Variants in PDE4D observed in about 807,000 individuals in gnomAD.
The protein encoded by PDE4D is phosphodiesterase 4D.
In PDE4D, 24 loss-of-function variants were observed where a neutral mutation model predicts 87.4. The ratio of observed to expected loss-of-function variants is 0.27; its 90% CI spans 0.20 to 0.39. The LOEUF is 0.39. PDE4D is among the 10% of genes least tolerant of loss of function. The pLI, the probability that PDE4D is intolerant of heterozygous loss-of-function variation, is 1.00. For missense variants in PDE4D, 714 were observed against 1,041.0 expected (o/e 0.69, Z 4.32); for synonymous variants, 384 against 383.2 (o/e 1.00, Z -0.02).
chr5:60,227,598 AGAGG>A (rs1011487729), intron 1 of PDE4D, among the ~76,000 whole-genome samples: 6 of 97,010 alleles, frequency 6.2e-5, no homozygotes, highest in South Asian at 4.1e-4. Flanking sequence ...GAAGGGGGAG[AGAGG>A]GAGGGAGGGA....
intron 1 of PDE4D, among the ~76,000 whole-genome samples, chr5:59,406,257 T>C (rs1166029037): frequency 6.6e-6 from 1 of 152,148 alleles, no homozygotes; most frequent in African/African-American, 2.4e-5. Context: ...CTTGGTAGGT[T>C]GTATTTGTCT....
At chr5:59,456,567 C>T (rs566860339) in intron 1 of PDE4D, among the ~76,000 whole-genome samples, 9 of 152,284 alleles carry the variant, frequency 5.9e-5, no homozygotes, top group African/African-American at 1.7e-4. Flanking sequence ...ACACAACATT[C>T]TTTCTGCAGC....
At chr5:60,034,606 G>T (rs938512354) in intron 2 of PDE4D, among the ~76,000 whole-genome samples, 9 of 152,108 alleles carry the variant, frequency 5.9e-5, no homozygotes, top group African/African-American at 2.2e-4. Context: ...CATCTGCAAA[G>T]TTCCTTTTGA....
chr5:59,879,776 T>C (rs1038187633), intron 1 of PDE4D, among the ~76,000 whole-genome samples: 3 of 152,236 alleles, frequency 2.0e-5, no homozygotes, highest in Non-Finnish European at 4.4e-5. Flanking sequence ...AGTCTCGCTC[T>C]GTCACCCAGG....
chr5:59,957,599 A>G (rs1758983865), intron 3 of PDE4D, among the ~76,000 whole-genome samples: 1 of 152,034 alleles, frequency 6.6e-6, no homozygotes, highest in Non-Finnish European at 1.5e-5. Flanking sequence ...TTTTACACAT[A>G]TTTTTCATAA....
At chr5:60,314,170 A>ATTT (rs199984345) in intron 1 of PDE4D, among the ~76,000 whole-genome samples, 1 of 145,734 alleles carries the variant, frequency 6.9e-6, no homozygotes, top group Admixed American at 6.8e-5. Context: ...AGACAGTATG[A>ATTT]TTTTTTTTTT....
intron 1 of PDE4D, among the ~76,000 whole-genome samples, chr5:59,746,809 C>T (rs1261335426): frequency 6.6e-6 from 1 of 151,934 alleles, no homozygotes; most frequent in Non-Finnish European, 1.5e-5. Context: ...GGCTATTTTT[C>T]CTTCCACATG....
At chr5:59,094,216 CAAAAA>C (rs1164383460) in intron 5 of PDE4D, among the ~76,000 whole-genome samples, 27 of 14,548 alleles carry the variant, frequency 1.9e-3, no homozygotes, top group African/African-American at 4.1e-3. Flanking sequence ...GACTCCGTCT[CAAAAA>C]AAAAAAAAAA....
intron 1 of PDE4D, among the ~76,000 whole-genome samples, chr5:60,316,073 T>C (rs987036273): frequency 6.6e-6 from 1 of 152,232 alleles, no homozygotes; most frequent in Non-Finnish European, 1.5e-5. Flanking sequence ...TAAATTACCT[T>C]GGGCAGTATG....
At chr5:59,472,625 C>G (rs1304784138) in intron 1 of PDE4D, among the ~76,000 whole-genome samples, 4 of 152,090 alleles carry the variant, frequency 2.6e-5, no homozygotes, top group African/African-American at 9.7e-5. Flanking sequence ...ATTGATTTGA[C>G]AGGTCATATA....
chr5:59,259,214 C>T (rs1761529968), intron 1 of PDE4D, among the ~76,000 whole-genome samples: 1 of 151,846 alleles, frequency 6.6e-6, no homozygotes, highest in African/African-American at 2.4e-5. Context: ...CCTACCATTA[C>T]TTCAAGCACT....
At chr5:59,023,738 T>C (rs568029089) in intron 6 of PDE4D, among the ~76,000 whole-genome samples, 1 of 152,284 alleles carries the variant, frequency 6.6e-6, no homozygotes, top group East Asian at 1.9e-4. Context: ...GTTTGAGGTA[T>C]GAGAAAATAC....
At chr5:59,472,851 C>T (rs1802661701) in intron 1 of PDE4D, among the ~76,000 whole-genome samples, 1 of 151,804 alleles carries the variant, frequency 6.6e-6, no homozygotes, top group Admixed American at 6.6e-5. Context: ...AAAAAAAGAA[C>T]TTTGGACTAG....
intron 1 of PDE4D, among the ~76,000 whole-genome samples, chr5:59,851,190 T>G (rs1196818152): frequency 6.6e-6 from 1 of 152,022 alleles, no homozygotes; most frequent in East Asian, 1.9e-4. Flanking sequence ...AATACCAACT[T>G]GATCATGTGA....
chr5:59,958,314 C>T (rs1406413046), intron 3 of PDE4D, among the ~76,000 whole-genome samples: 1 of 151,960 alleles, frequency 6.6e-6, no homozygotes, highest in Non-Finnish European at 1.5e-5. Flanking sequence ...TAATATTTCC[C>T]TTGGATGTAA....
At chr5:59,564,579 T>C (rs1820578660) in intron 1 of PDE4D, among the ~76,000 whole-genome samples, 1 of 152,174 alleles carries the variant, frequency 6.6e-6, no homozygotes, top group South Asian at 2.1e-4. Flanking sequence ...TCTCGCCAGC[T>C]AGAGCTCTGC....
intron 1 of PDE4D, among the ~76,000 whole-genome samples, chr5:59,703,417 G>T (rs1752904884): frequency 6.6e-6 from 1 of 152,026 alleles, no homozygotes; most frequent in Non-Finnish European, 1.5e-5. Context: ...CCTTAATGGA[G>T]GAAGTACCTT....
intron 1 of PDE4D, among the ~76,000 whole-genome samples, chr5:60,271,479 T>C (rs1228381088): frequency 6.6e-6 from 1 of 152,186 alleles, no homozygotes; most frequent in East Asian, 1.9e-4. Flanking sequence ...ATTAATCCTA[T>C]AATTTCACCT....
intron 3 of PDE4D, among the ~76,000 whole-genome samples, chr5:59,186,344 T>C (rs1288351960): frequency 6.6e-6 from 1 of 152,148 alleles, no homozygotes; most frequent in Admixed American, 6.6e-5. Context: ...GAGGAGTATA[T>C]GGAATGACAG....
Sources: allele counts gnomAD v4.1 joint callset (sites outside exome capture counted in the v4.1 genomes callset), GRCh38; gene constraint gnomAD v4.1.1; transcripts MANE v1.5; gene names NCBI Gene and HGNC (gene_info 2026-07-23, HGNC 2026-07-21).